GALNT13: variants seen among roughly 807,000 people sequenced by gnomAD.
GALNT13 encodes the protein polypeptide N-acetylgalactosaminyltransferase 13.
GALNT13 carries 28 observed loss-of-function variants against 64.2 expected under a neutral mutation model. That is an observed-to-expected ratio of 0.44 (90% CI 0.32 to 0.60). The LOEUF is 0.60. GALNT13 is among the 20% of genes least tolerant of loss of function. The pLI is 0.05. For synonymous variants in GALNT13, 214 were observed against 224.6 expected, an observed-to-expected ratio of 0.95 and a Z score of 0.42; for missense variants, 577 against 669.8, an observed-to-expected ratio of 0.86 and a Z score of 1.53.
At chr2:153,378,451 T>C in the GALNT13 span, among the ~76,000 whole-genome samples, 1 of 152,160 alleles carries the variant, frequency 6.6e-6, no homozygotes, top group African/African-American at 2.4e-5. Context: ...AAATAATTTT[T>C]TTGCAGCTAT....
At chr2:153,739,806 G>C in the GALNT13 span, among the ~76,000 whole-genome samples, 1 of 151,340 alleles carries the variant, frequency 6.6e-6, no homozygotes, top group Non-Finnish European at 1.5e-5. Context: ...CTATTGTCAT[G>C]AGGTATATTG....
intron 9 of GALNT13, among the ~76,000 whole-genome samples, chr2:154,394,035 G>A (rs1015328706): frequency 9.0e-6 from 1 of 111,010 alleles, no homozygotes; most frequent in African/African-American, 3.5e-5. Context: ...CCGAGATTGC[G>A]CCACTGCACT....
At chr2:153,942,091 G>C (rs1180003337) in intron 2 of GALNT13, among the ~76,000 whole-genome samples, 1 of 152,104 alleles carries the variant, frequency 6.6e-6, no homozygotes, top group Admixed American at 6.6e-5. Context: ...AATTAATACT[G>C]AGTGATTTCA....
At chr2:153,875,590 A>G (rs1686308972) in intron 1 of GALNT13, among the ~76,000 whole-genome samples, 2 of 152,212 alleles carry the variant, frequency 1.3e-5, no homozygotes, top group Admixed American at 6.5e-5. Context: ...TAGAGCTTGT[A>G]CAGCTTATAA....
At chr2:153,664,978 G>T in the GALNT13 span, among the ~76,000 whole-genome samples, 198 of 152,278 alleles carry the variant, frequency 1.3e-3, no homozygotes, top group African/African-American at 4.5e-3. Flanking sequence ...TTTATAGGCA[G>T]CAATAGTAAC....
chr2:153,654,921 A>G, the GALNT13 span, among the ~76,000 whole-genome samples: 2 of 152,134 alleles, frequency 1.3e-5, no homozygotes, highest in African/African-American at 4.8e-5. Context: ...CACACTAGAT[A>G]TAAGTTCCTG....
chr2:154,113,564 C>A (rs537319707), intron 3 of GALNT13, among the ~76,000 whole-genome samples: 1 of 152,180 alleles, frequency 6.6e-6, no homozygotes, highest in Non-Finnish European at 1.5e-5. Context: ...CACCACTGGA[C>A]CCCTAGAAAT....
intron 7 of GALNT13, among the ~76,000 whole-genome samples, chr2:154,256,496 G>T (rs1690382461): frequency 6.6e-6 from 1 of 152,136 alleles, no homozygotes; most frequent in Admixed American, 6.5e-5. Context: ...AAGAAGTTAT[G>T]CTCTGAGGCA....
chr2:153,807,844 T>A, the GALNT13 span, among the ~76,000 whole-genome samples: 2 of 152,298 alleles, frequency 1.3e-5, no homozygotes, highest in African/African-American at 4.8e-5. Context: ...TTTTGTTTAC[T>A]GTGAGTTCAT....
At chr2:153,118,147 C>CACACACACACACATA in the GALNT13 span, among the ~76,000 whole-genome samples, 2 of 140,168 alleles carry the variant, frequency 1.4e-5, no homozygotes, top group African/African-American at 5.4e-5. Context: ...ACACACACAC[C>CACACACACACACATA]CCACATAAAC....
intron 10 of GALNT13, among the ~76,000 whole-genome samples, chr2:154,403,149 T>A (rs1699373758): frequency 6.6e-6 from 1 of 152,040 alleles, no homozygotes; most frequent in Admixed American, 6.6e-5. Context: ...TTAGGCCTAG[T>A]GATAAAAACC....
At chr2:154,289,277 A>G (rs186367426) in intron 8 of GALNT13, among the ~76,000 whole-genome samples, 127 of 152,292 alleles carry the variant, frequency 8.3e-4, no homozygotes, top group Non-Finnish European at 1.3e-4. Flanking sequence ...GGGCTGGCCT[A>G]TGAAAAATTT....
At chr2:153,660,539 CATATATAATATTATATATTATA>C in the GALNT13 span, among the ~76,000 whole-genome samples, 18 of 149,120 alleles carry the variant, frequency 1.2e-4, no homozygotes, top group Non-Finnish European at 2.1e-4. Context: ...GATTGGAGGA[CATATATAATATTATATATTATA>C]ATATATAATA....
intron 8 of GALNT13, among the ~76,000 whole-genome samples, chr2:154,300,222 C>T (rs1446946211): frequency 6.6e-6 from 1 of 151,200 alleles, no homozygotes; most frequent in Non-Finnish European, 1.5e-5. Context: ...CTTGCCTCAG[C>T]CTCCTGAGTA....
At chr2:154,328,784 C>T (rs1695012949) in intron 9 of GALNT13, among the ~76,000 whole-genome samples, 1 of 152,086 alleles carries the variant, frequency 6.6e-6, no homozygotes, top group Non-Finnish European at 1.5e-5. Context: ...ACATTTTCTC[C>T]CACAGTGGCA....
chr2:153,468,611 AT>A, the GALNT13 span, among the ~76,000 whole-genome samples: 1 of 152,090 alleles, frequency 6.6e-6, no homozygotes, highest in South Asian at 2.1e-4. Context: ...TATTGTTTAA[AT>A]AATACATCTG....
chr2:154,034,095 A>G (rs34180058), intron 3 of GALNT13, among the ~76,000 whole-genome samples: 36,324 of 152,130 alleles, frequency 0.24, 4,876 homozygotes, highest in Non-Finnish European at 0.3. Context: ...AACTTACTTT[A>G]TGACTCAGCC....
chr2:153,561,443 G>A, the GALNT13 span, among the ~76,000 whole-genome samples: 4 of 151,996 alleles, frequency 2.6e-5, no homozygotes, highest in South Asian at 2.1e-4. Context: ...TATACACATA[G>A]CCTGAAGGTA....
At chr2:153,146,523 A>G in the GALNT13 span, among the ~76,000 whole-genome samples, 1 of 151,890 alleles carries the variant, frequency 6.6e-6, no homozygotes, top group Non-Finnish European at 1.5e-5. Flanking sequence ...GCACTCAATG[A>G]TAGGCACAGG....
Sources: gnomAD v4.1 joint callset for allele counts (sites outside exome capture counted in the v4.1 genomes callset) on GRCh38, gnomAD v4.1.1 for gene constraint, MANE v1.5 for transcripts, NCBI Gene and HGNC (gene_info 2026-07-23, HGNC 2026-07-21) for gene names.